Variants in TENM2 observed in about 807,000 individuals in gnomAD.
TENM2 encodes teneurin-2.
TENM2 carries 52 observed loss-of-function variants against 245.2 expected under a neutral mutation model. The observed-to-expected ratio is 0.21, with a 90% CI of 0.17 to 0.27. The LOEUF is 0.27. TENM2 is among the 10% of genes least tolerant of loss of function. The pLI is 1.00. For missense variants in TENM2, 3,046 were observed against 3,666.8 expected (o/e 0.83, Z 4.37); for synonymous variants, 1,363 against 1,438.9 (o/e 0.95, Z 1.19).
chr5:167,743,682 T>C (rs1761359739), intron 2 of TENM2, among the ~76,000 whole-genome samples: 1 of 152,178 alleles, frequency 6.6e-6, no homozygotes, highest in African/African-American at 2.4e-5. Context: ...AGGACACTAT[T>C]ATGTTCTTAT....
chr5:167,306,595 A>C (rs1755692441), intron 1 of TENM2: 1 of 152,200 alleles, frequency 6.6e-6, no homozygotes, highest in Non-Finnish European at 1.5e-5. Flanking sequence ...TTTAACAGAT[A>C]GATGCGGGGA....
intron 2 of TENM2, among the ~76,000 whole-genome samples, chr5:167,375,965 T>C (rs1318946722): frequency 6.6e-6 from 1 of 152,170 alleles, no homozygotes; most frequent in Non-Finnish European, 1.5e-5. Flanking sequence ...GCTCTGGAGC[T>C]TAATAATGAC....
At chr5:167,893,422 C>T (rs184792425) in intron 3 of TENM2, among the ~76,000 whole-genome samples, 16 of 152,182 alleles carry the variant, frequency 1.1e-4, no homozygotes, top group Non-Finnish European at 1.5e-4. Context: ...AACAACGAGG[C>T]GCACGTATCA....
At chr5:167,445,977 T>C (rs1425031433) in intron 2 of TENM2, among the ~76,000 whole-genome samples, 1 of 152,168 alleles carries the variant, frequency 6.6e-6, no homozygotes, top group Non-Finnish European at 1.5e-5. Context: ...AATGCTGTGA[T>C]GAAATGTTTA....
At chr5:168,170,224 C>G (rs1337103509) in intron 13 of TENM2, among the ~76,000 whole-genome samples, 1 of 152,190 alleles carries the variant, frequency 6.6e-6, no homozygotes, top group Non-Finnish European at 1.5e-5. Context: ...ATAGAACCAG[C>G]TGCGCACGGT....
intron 1 of TENM2, among the ~76,000 whole-genome samples, chr5:167,358,700 A>G (rs547549912): frequency 2.0e-4 from 30 of 151,792 alleles, no homozygotes; most frequent in African/African-American, 6.5e-4. Flanking sequence ...TGTATCTCGT[A>G]TATCAGACCT....
At chr5:167,478,364 C>T (rs1391912526) in intron 2 of TENM2, among the ~76,000 whole-genome samples, 2 of 151,980 alleles carry the variant, frequency 1.3e-5, no homozygotes, top group Non-Finnish European at 2.9e-5. Flanking sequence ...GGAGAAAACT[C>T]TGCCAGGAAA....
In TENM2 at chr5:168,241,390, G is replaced by A. The variant is rs554365617; in HGVS notation, c.5521-3030G>A. ...CCTGCTCAGCCTTTTGGGTAGCTGG[G>A]ATTATAGACACATGCTACCATGCTT... On this transcript the variant is annotated intron_variant, in intron 25 of 28. Coordinates refer to ENST00000518659, the Ensembl canonical transcript of TENM2. 4.0e-5 allele frequency among the ~76,000 whole-genome samples: 6 copies of A among 151,198 alleles called. No individual in the cohort carries two copies. The East Asian group carries it at 1.2e-3, about 29-fold the overall frequency.
the TENM2 span, among the ~76,000 whole-genome samples, chr5:167,220,652 T>C: frequency 6.6e-6 from 1 of 152,138 alleles, no homozygotes; most frequent in African/African-American, 2.4e-5. Context: ...AGGACTGTAT[T>C]CAAATCTCAG....
chr5:167,800,703 A>G (rs1170464504), intron 2 of TENM2, among the ~76,000 whole-genome samples: 1 of 152,154 alleles, frequency 6.6e-6, no homozygotes, highest in Admixed American at 6.5e-5. Flanking sequence ...GGCTTTGCCA[A>G]GGGCTGCTGT....
chr5:168,215,300 G>A (rs981725057), intron 21 of TENM2, 28 bp downstream of exon 23: 4 of 1,588,324 alleles, frequency 2.5e-6, no homozygotes, highest in Admixed American at 1.7e-5. Flanking sequence ...AGAGTCTCCC[G>A]CCCCAGATAA....
rs377360593 is a variant in TENM2, at chr5:167,638,507, C to T, written c.503-237479C>T. 5.9e-5 allele frequency among the ~76,000 whole-genome samples: 9 copies of T among 152,248 alleles called. No individual in the cohort carries two copies. In the East Asian group the frequency reaches 9.6e-4, roughly 16 times the overall value. On this transcript the variant is annotated intron_variant, in intron 2 of 28. Transcript: ENST00000518659. ...TCAGCTGTATTTCAGGGAACCTGTA[C>T]ATTTCTTCTAATTTATAAAGTATAA...
At chr5:167,897,890 G>GTTTTTTTTTT (rs35680049) in intron 3 of TENM2, among the ~76,000 whole-genome samples, 3 of 89,294 alleles carry the variant, frequency 3.4e-5, no homozygotes, top group African/African-American at 6.9e-5. Flanking sequence ...GTAGTAAATT[G>GTTTTTTTTTT]TTTTTTTTTT....
At chr5:168,121,819 T>A (rs181839338) in intron 10 of TENM2, among the ~76,000 whole-genome samples, 1 of 152,124 alleles carries the variant, frequency 6.6e-6, no homozygotes, top group African/African-American at 2.4e-5. Flanking sequence ...AGCCACAAGA[T>A]ATTTTTGTGT....
At chr5:167,025,210 C>A in the TENM2 span, among the ~76,000 whole-genome samples, 1 of 151,976 alleles carries the variant, frequency 6.6e-6, no homozygotes, top group Non-Finnish European at 1.5e-5. Flanking sequence ...CCCAATATAG[C>A]CAGAATATTA....
At chr5:167,673,424 A>T (rs550792121) in intron 2 of TENM2, among the ~76,000 whole-genome samples, 41 of 152,226 alleles carry the variant, frequency 2.7e-4, no homozygotes, top group African/African-American at 9.6e-4. Context: ...TGGTCCTCTT[A>T]GTTGTCCAAT....
At chr5:167,777,785 C>A (rs1470419597) in intron 2 of TENM2, among the ~76,000 whole-genome samples, 2 of 152,056 alleles carry the variant, frequency 1.3e-5, no homozygotes, top group Non-Finnish European at 2.9e-5. Flanking sequence ...GGCTTAATTT[C>A]TAAACAGTGA....
At chr5:167,187,599 G>A in the TENM2 span, among the ~76,000 whole-genome samples, 1 of 151,920 alleles carries the variant, frequency 6.6e-6, no homozygotes, top group Non-Finnish European at 1.5e-5. Context: ...TGTCACCTGG[G>A]GTCTCTCTCC....
At chr5:167,051,578 C>T in the TENM2 span, among the ~76,000 whole-genome samples, 1 of 152,250 alleles carries the variant, frequency 6.6e-6, no homozygotes, top group African/African-American at 2.4e-5. Context: ...TATTCGCATT[C>T]TCTTTGGGTG....
Sources: allele counts gnomAD v4.1 joint callset (sites outside exome capture counted in the v4.1 genomes callset), GRCh38; gene constraint gnomAD v4.1.1; transcripts MANE v1.5; gene names NCBI Gene and HGNC (gene_info 2026-07-23, HGNC 2026-07-21).